The following ATP10B variants were observed in gnomAD, a reference collection of about 807,000 sequenced individuals.
ATP10B encodes the protein ATPase phospholipid transporting 10B (putative), also known as phospholipid-transporting ATPase VB.
In ATP10B, 122 loss-of-function variants were observed where a neutral mutation model predicts 141.2. That is an observed-to-expected ratio of 0.86 (90% CI 0.75 to 1.00). The LOEUF is 1.00. Among genes scored for constraint, ATP10B ranks in the 50% least tolerant of loss-of-function variants. The probability of loss-of-function intolerance (pLI) is 0.00; values close to 1 mark genes in which losing one functional copy is unlikely to be tolerated. For missense variants in ATP10B, 1,876 were observed against 1,825.3 expected (o/e 1.03, Z -0.51); for synonymous variants, 685 against 692.0 (o/e 0.99, Z 0.16).
intron 7 of ATP10B, among the ~76,000 whole-genome samples, chr5:160,653,592 TATA>T: frequency 1.4e-4 from 1 of 7,330 alleles, no homozygotes; most frequent in Non-Finnish European, 5.4e-4. Context: ...CATATATACA[TATA>T]TACATATATA....
chr5:160,652,926 A>ATACATACATATTTATATT (rs1760950477), intron 7 of ATP10B, among the ~76,000 whole-genome samples: 13 of 81,792 alleles, frequency 1.6e-4, no homozygotes, highest in Non-Finnish European at 2.7e-4. Context: ...TATATAATAT[A>ATACATACATATTTATATT]TTATATATAC....
chr5:160,576,022 G>A (rs1755167744), intron 24 of ATP10B, among the ~76,000 whole-genome samples: 1 of 152,186 alleles, frequency 6.6e-6, no homozygotes, highest in Non-Finnish European at 1.5e-5. Context: ...AACTGGCTCA[G>A]CAACCACAGC....
chr5:160,585,732 C>T (rs775782395), intron 24 of ATP10B, among the ~76,000 whole-genome samples: 4 of 152,188 alleles, frequency 2.6e-5, no homozygotes, highest in Non-Finnish European at 5.9e-5. Context: ...TGCCCTACCC[C>T]GCAGGAGCCA....
At chr5:160,833,244 C>A (rs1257299763) in intron 1 of ATP10B, among the ~76,000 whole-genome samples, 1 of 152,200 alleles carries the variant, frequency 6.6e-6, no homozygotes, top group East Asian at 1.9e-4. Context: ...ACAACTTGGA[C>A]AGCTGAAAGC....
intron 7 of ATP10B, among the ~76,000 whole-genome samples, chr5:160,658,388 C>G (rs893038917): frequency 3.3e-5 from 5 of 152,196 alleles, no homozygotes; most frequent in Non-Finnish European, 5.9e-5. Context: ...AGGAGAGAGA[C>G]AGAGGGTATT....
rs57796332 is a variant in ATP10B at position 160,783,562 on chromosome 5, TACACACACACACACACAC to T, written c.-331+1979_-331+1996del. 7.2e-3 allele frequency among the ~76,000 whole-genome samples: 942 copies of T among 131,314 alleles called. 4 individuals carry two copies. Among genetic ancestry groups the T allele is most frequent in the Non-Finnish European group, 0.011 (669 of 62,660 alleles). The allele number at this position is 131,314 out of a possible 152,430, so 86.1% of individuals were successfully genotyped here. A position where few individuals can be genotyped will look rare whatever the true frequency, so the allele number is the denominator to read the frequency against. On this transcript the variant is annotated intron_variant, in intron 2 of 25. Transcript: ENST00000327245. ...TGATATATATATCATATATATATGA[TACACACACACACACACAC>T]ACACACACACACACACATACACACA... is the stretch of plus-strand genomic sequence containing the variant.
At chr5:160,651,781 C>A (rs1760759060) in intron 7 of ATP10B, among the ~76,000 whole-genome samples, 1 of 152,048 alleles carries the variant, frequency 6.6e-6, no homozygotes, top group Non-Finnish European at 1.5e-5. Flanking sequence ...AATAAATTAC[C>A]CATCCAGGAG....
chr5:160,611,529 G>C (rs1757720519), intron 18 of ATP10B, among the ~76,000 whole-genome samples: 1 of 152,100 alleles, frequency 6.6e-6, no homozygotes, highest in Non-Finnish European at 1.5e-5. Context: ...AATTCATTAA[G>C]GTTTAATCTA....
At chr5:160,735,518 G>T in intron 2 of ATP10B, among the ~76,000 whole-genome samples, 1 of 152,036 alleles carries the variant, frequency 6.6e-6, no homozygotes, top group East Asian at 1.9e-4. Flanking sequence ...TAGAGCTAAA[G>T]AGAGAGATAG....
At chr5:160,847,634 C>A (rs1484942813) in intron 1 of ATP10B, among the ~76,000 whole-genome samples, 3 of 152,258 alleles carry the variant, frequency 2.0e-5, no homozygotes, top group Middle Eastern at 3.4e-3. Flanking sequence ...CGAGAAATTC[C>A]TTTGAGAAGC....
intron 2 of ATP10B, among the ~76,000 whole-genome samples, chr5:160,764,648 T>C (rs142604904): frequency 0.017 from 2,635 of 152,218 alleles, 32 homozygotes; most frequent in Non-Finnish European, 0.025. Flanking sequence ...CCCTAAGAAC[T>C]GGAACAAGAC....
At position 160,565,082 on chromosome 5, in the gene ATP10B, G is replaced by T. The variant is rs560085672; in HGVS notation, c.*371C>A. 4.3e-5 allele frequency: 9 copies of T among 207,394 alleles called. No homozygotes were observed. The highest frequency in any genetic ancestry group is 4.8e-5 in the Non-Finnish European group (5 of 103,244). 12.8% of individuals were successfully genotyped at this position (207,394 alleles called of 1,614,324 possible). A position where few individuals can be genotyped will look rare whatever the true frequency, so the allele number is the denominator to read the frequency against. ...AGAAACTTCCATATCCTGAGATATT[G>T]CCTGGGTTGATACACTTCTTGAATC... On this transcript the variant is annotated 3_prime_UTR_variant, in exon 26 of 26. Coordinates refer to ENST00000327245, the MANE Select transcript of ATP10B (RefSeq NM_025153.3).
chr5:160,783,511 CTATA>C (rs1215292071), intron 2 of ATP10B, among the ~76,000 whole-genome samples: 1 of 136,534 alleles, frequency 7.3e-6, no homozygotes, highest in African/African-American at 2.7e-5. Context: ...CATATATATA[CTATA>C]TATATGGGTG....
chr5:160,902,304 G>T, the ATP10B span, among the ~76,000 whole-genome samples: 1 of 152,152 alleles, frequency 6.6e-6, no homozygotes, highest in South Asian at 2.1e-4. Flanking sequence ...AAGTATTCCA[G>T]TGGGCACGAG....
At position 160,815,965 on chromosome 5, in the gene ATP10B, G is replaced by A. The variant is rs1189151882; in HGVS notation, c.-575-30162C>T. On this transcript the variant is annotated intron_variant, in intron 1 of 25. Transcript: ENST00000327245. ...AATAAAGATGTTCTTTGAAACCAGT[G>A]AGAACAAAGACACAACATACCAGAA... is the stretch of plus-strand genomic sequence containing the variant. Among the ~76,000 whole-genome samples, 6 of 151,870 alleles carry A rather than the reference G, an allele frequency of 4.0e-5. No individual in the cohort carries two copies. In the East Asian group the frequency reaches 5.8e-4, roughly 15 times the overall value.
chr5:160,761,630 G>A (rs1333825111), intron 2 of ATP10B, among the ~76,000 whole-genome samples: 2 of 152,174 alleles, frequency 1.3e-5, no homozygotes, highest in Non-Finnish European at 2.9e-5. Context: ...CTACCCAAAT[G>A]AGAAGGGACC....
the ATP10B span, among the ~76,000 whole-genome samples, chr5:160,859,235 T>C: frequency 1.3e-5 from 2 of 151,866 alleles, no homozygotes; most frequent in African/African-American, 4.8e-5. Context: ...GGTATAGAAT[T>C]ATGGATTGAA....
chr5:160,877,481 G>C, the ATP10B span, among the ~76,000 whole-genome samples: 1 of 148,354 alleles, frequency 6.7e-6, no homozygotes, highest in Admixed American at 6.8e-5. Context: ...GCACAAGACA[G>C]GGATGCCCTC....
chr5:160,813,177 G>GGGCGAGGCATCGCCTCACCCGGGAAGCAC (rs1223126160), intron 1 of ATP10B, among the ~76,000 whole-genome samples: 24 of 152,340 alleles, frequency 1.6e-4, no homozygotes, highest in Admixed American at 1.6e-3. Flanking sequence ...AGCCGAAGCA[G>GGGCGAGGCATCGCCTCACCCGGGAAGCAC]GGCGAGGCAT....
Sources: gnomAD v4.1 joint callset for allele counts (sites outside exome capture counted in the v4.1 genomes callset) on GRCh38, gnomAD v4.1.1 for gene constraint, MANE v1.5 for transcripts, NCBI Gene and HGNC (gene_info 2026-07-23, HGNC 2026-07-21) for gene names.